The following BCO1 variants were observed in gnomAD, a reference collection of about 807,000 sequenced individuals.
The protein encoded by BCO1 is beta,beta-carotene 15,15'-dioxygenase.
Under a neutral mutation model 56.3 loss-of-function variants are expected in BCO1, and 54 were observed. That is an observed-to-expected ratio of 0.96 (90% CI 0.77 to 1.20). BCO1 has a LOEUF of 1.20. Ranked by LOEUF, BCO1 falls within the 50% of genes most tolerant of loss-of-function variation. The pLI is 0.00. For synonymous variants in BCO1, 318 were observed against 266.1 expected, an observed-to-expected ratio of 1.20 and a Z score of -1.90; for missense variants, 801 against 690.9, an observed-to-expected ratio of 1.16 and a Z score of -1.79.
chr16:81,246,582 G>C (rs368030152), intron 2 of BCO1, among the ~76,000 whole-genome samples: 38 of 149,864 alleles, frequency 2.5e-4, no homozygotes, highest in Admixed American at 2.0e-4. Flanking sequence ...TGGGCGCAGT[G>C]GCTCATGCCT....
At chr16:81,284,902 T>A (rs1908088898) in intron 8 of BCO1, among the ~76,000 whole-genome samples, 1 of 151,494 alleles carries the variant, frequency 6.6e-6, no homozygotes, top group Non-Finnish European at 1.5e-5. Flanking sequence ...AGTGGCACGA[T>A]CTCGGCTCAC....
intron 9 of BCO1, among the ~76,000 whole-genome samples, chr16:81,285,871 A>G (rs1171796669): frequency 6.6e-6 from 1 of 152,132 alleles, no homozygotes; most frequent in Non-Finnish European, 1.5e-5. Flanking sequence ...TATTCAATAC[A>G]TATTTAATGA....
At chr16:81,240,994 C>A (rs1415779137) in intron 1 of BCO1, among the ~76,000 whole-genome samples, 1 of 151,722 alleles carries the variant, frequency 6.6e-6, no homozygotes, top group Non-Finnish European at 1.5e-5. Flanking sequence ...ACCACCACAC[C>A]CGGCTAATTT....
intron 7 of BCO1, among the ~76,000 whole-genome samples, chr16:81,272,325 A>T (rs939065927): frequency 1.3e-5 from 2 of 150,910 alleles, no homozygotes; most frequent in Non-Finnish European, 3.0e-5. Flanking sequence ...TCACCGTGTT[A>T]GCCAGGATGG....
rs1345590344 is a variant in BCO1, at chr16:81,238,902, C to G, written c.-7C>G. 1.9e-6 allele frequency: 3 copies of G among 1,613,972 alleles called. No individual in the cohort carries two copies. Among genetic ancestry groups the G allele is most frequent in the East Asian group, 2.2e-5 (1 of 44,888 alleles). ...GTTAAAATCGATCTCCCTCGGCACCCTGAGCAATGGATATAATATTTGGCA... is the reference window on the plus strand; with the variant it reads ...GTTAAAATCGATCTCCCTCGGCACCGTGAGCAATGGATATAATATTTGGCA... On this transcript the variant is annotated 5_prime_UTR_variant, in exon 1 of 11. Transcript: ENST00000258168.
At chr16:81,243,920 T>A (rs1256584859) in intron 1 of BCO1, among the ~76,000 whole-genome samples, 2 of 152,260 alleles carry the variant, frequency 1.3e-5, no homozygotes, top group Non-Finnish European at 2.9e-5. Flanking sequence ...AGCCATTGGC[T>A]GCTGAGGCCA....
intron 2 of BCO1, among the ~76,000 whole-genome samples, chr16:81,250,018 C>G (rs1024333478): frequency 6.6e-6 from 1 of 152,156 alleles, no homozygotes; most frequent in African/African-American, 2.4e-5. Flanking sequence ...AGAGGCAATA[C>G]TTTCCCAGTC....
chr16:81,274,738 C>T (rs184816462), intron 7 of BCO1, among the ~76,000 whole-genome samples: 66 of 152,166 alleles, frequency 4.3e-4, no homozygotes, highest in South Asian at 1.2e-3. Flanking sequence ...ATTAGCTTGG[C>T]GTGGTGGCCC....
intron 2 of BCO1, among the ~76,000 whole-genome samples, chr16:81,246,048 C>G (rs1004544039): frequency 6.6e-6 from 1 of 151,508 alleles, no homozygotes. Context: ...CTTTTGGTCT[C>G]AAACTCCTGA....
chr16:81,269,814 A>C (rs1907071554), intron 6 of BCO1, among the ~76,000 whole-genome samples: 1 of 152,120 alleles, frequency 6.6e-6, no homozygotes, highest in Non-Finnish European at 1.5e-5. Flanking sequence ...ATTCTCCCCA[A>C]CTTGGTCATT....
Position 81,290,566 on chromosome 16 carries a change from C to T in BCO1, c.1633C>T (p.Pro545Ser), listed in dbSNP as rs1908407936. 1.9e-6 allele frequency: 3 copies of T among 1,613,094 alleles called. No homozygotes were observed. The highest frequency in any genetic ancestry group is 2.2e-5 in the East Asian group (1 of 44,892). The part of the protein sequence containing the change: ...RDRASDCHGA[P>S]LT The stretch of plus-strand genomic sequence containing the variant: ...CAGGGCTTCCGACTGCCACGGGGCT[C>T]CTCTGACCTGATGGTGTTGGGGTTT... Residue 545 changes from proline (P) to serine (S), a missense_variant, in exon 11 of 11, where the codon CCT becomes TCT. Physicochemically the swap from Pro to Ser is moderately conservative, Grantham distance 74. Transcript: ENST00000258168.
intron 10 of BCO1, among the ~76,000 whole-genome samples, chr16:81,288,512 A>T (rs1012019170): frequency 6.6e-6 from 1 of 152,126 alleles, no homozygotes; most frequent in South Asian, 2.1e-4. Context: ...CGATCCTCCC[A>T]TCTTGGCCTC....
chr16:81,260,905 G>T (rs1298122851), intron 3 of BCO1, among the ~76,000 whole-genome samples: 1 of 152,184 alleles, frequency 6.6e-6, no homozygotes, highest in Admixed American at 6.5e-5. Context: ...CCTGCCATCA[G>T]TATCTTCTTT....
rs373745812 is a variant in BCO1 at position 81,285,646 on chromosome 16, T to C, written c.1302+12T>C. On this transcript the variant is annotated intron_variant, in intron 9 of 10. Transcript: ENST00000258168. ...CAATCCCAACCAAGGTACTGGTCTC[T>C]GTGTATTCACAAGCCTTTCCTACAG... is the stretch of plus-strand genomic sequence containing the variant. 4 of 1,560,466 alleles carry C rather than the reference T, an allele frequency of 2.6e-6. No individual in the cohort carries two copies. Among genetic ancestry groups the C allele is most frequent in the Non-Finnish European group, 3.5e-6 (4 of 1,131,106 alleles).
intron 5 of BCO1, among the ~76,000 whole-genome samples, chr16:81,266,171 G>C (rs996147323): frequency 3.3e-5 from 5 of 152,238 alleles, no homozygotes; most frequent in African/African-American, 1.2e-4. Context: ...GTCCTGCTGG[G>C]ATCCACTCCA....
chr16:81,270,428 C>G lies in BCO1; in HGVS notation c.1101+12C>G, dbSNP rs1195050006. On this transcript the variant is annotated intron_variant, in intron 7 of 10. Transcript: ENST00000258168. ...TCCACGTGGACAAGGTAATGGCTTC[C>G]AAGGAGGTCCCTTTTCTTTCTAGAG... 2 of 1,613,766 alleles carry G rather than the reference C, an allele frequency of 1.2e-6. No homozygotes were observed. The highest frequency in any genetic ancestry group is 2.2e-5 in the South Asian group (2 of 91,062).
chr16:81,242,846 T>G (rs541576814), intron 1 of BCO1, among the ~76,000 whole-genome samples: 14 of 152,026 alleles, frequency 9.2e-5, no homozygotes, highest in Non-Finnish European at 1.9e-4. Context: ...TGGCATTAGA[T>G]TCTCATATGA....
intron 7 of BCO1, among the ~76,000 whole-genome samples, chr16:81,276,763 C>G (rs931713021): frequency 8.5e-5 from 13 of 152,056 alleles, no homozygotes; most frequent in African/African-American, 3.1e-4. Context: ...TTTACTTAAG[C>G]TTATTTTAAA....
intron 7 of BCO1, among the ~76,000 whole-genome samples, chr16:81,272,727 A>G (rs943599015): frequency 6.6e-6 from 1 of 152,254 alleles, no homozygotes; most frequent in Non-Finnish European, 1.5e-5. Flanking sequence ...ATTCAATTCA[A>G]TTAAATGTTG....
Sources: allele counts gnomAD v4.1 joint callset (sites outside exome capture counted in the v4.1 genomes callset), GRCh38; gene constraint gnomAD v4.1.1; transcripts MANE v1.5; gene names NCBI Gene and HGNC (gene_info 2026-07-23, HGNC 2026-07-21).